HAT1: variants seen among roughly 807,000 people sequenced by gnomAD.
HAT1 encodes the protein histone acetyltransferase type B catalytic subunit.
A neutral mutation model predicts 56.6 loss-of-function variants in HAT1; 20 were observed. That is an observed-to-expected ratio of 0.35 (90% CI 0.25 to 0.51). The LOEUF (loss-of-function observed/expected upper bound fraction) is 0.51, where lower values mean the gene tolerates loss of function less well. Ranked by LOEUF, HAT1 falls within the 20% of genes least tolerant of loss-of-function variation. The probability of loss-of-function intolerance (pLI) is 0.95; values close to 1 mark genes in which losing one functional copy is unlikely to be tolerated. For synonymous variants in HAT1, 146 were observed against 165.5 expected (o/e 0.88, Z 0.91); for missense variants, 408 against 504.3 (o/e 0.81, Z 1.83).
chr2:171,939,449 C>G (rs1025503738), intron 2 of HAT1, among the ~76,000 whole-genome samples: 42 of 152,136 alleles, frequency 2.8e-4, no homozygotes, highest in Admixed American at 3.3e-4. Flanking sequence ...CAAAAATAAG[C>G]AAGTTTTGTG....
rs1172067451 is a variant in HAT1, at chr2:171,977,557, ATTTTT to A, written c.975+1267_975+1271del. 7.3e-3 allele frequency among the ~76,000 whole-genome samples: 119 copies of A among 16,256 alleles called. 1 individual carries two copies. Among genetic ancestry groups the A allele is most frequent in the Admixed American group, 0.016 (15 of 928 alleles). The allele number at this position is 16,256 out of a possible 152,430, so 10.7% of individuals were successfully genotyped here. A position where few individuals can be genotyped will look rare whatever the true frequency, so the allele number is the denominator to read the frequency against. On this transcript the variant is annotated intron_variant, in intron 9 of 10. Coordinates refer to ENST00000264108, the MANE Select transcript of HAT1 (RefSeq NM_003642.4). ...TATATATATATATATATATATATAT[ATTTTT>A]TTTTTTTTTTTTTTTTTAATGGTGC...
chr2:171,936,475 T>C (rs1158908358), intron 2 of HAT1, among the ~76,000 whole-genome samples: 2 of 152,142 alleles, frequency 1.3e-5, no homozygotes, highest in African/African-American at 4.8e-5. Flanking sequence ...CCTCTAAGTT[T>C]CACAGTGGTC....
At chr2:171,924,063 T>A (rs1558959286) in intron 1 of HAT1, 1 of 152,192 alleles carries the variant, frequency 6.6e-6, no homozygotes, top group Admixed American at 6.5e-5. Flanking sequence ...AATCCAGGAA[T>A]TCTCACTCCA....
chr2:171,972,244 GTTTT>G (rs572188174), intron 8 of HAT1, among the ~76,000 whole-genome samples: 1 of 137,578 alleles, frequency 7.3e-6, no homozygotes, highest in Non-Finnish European at 1.6e-5. Flanking sequence ...TGTTTTTGTT[GTTTT>G]TTTTTTTGTT....
At chr2:171,978,870 G>A (rs1688055826) in intron 9 of HAT1, among the ~76,000 whole-genome samples, 1 of 148,896 alleles carries the variant, frequency 6.7e-6, no homozygotes, top group South Asian at 2.1e-4. Flanking sequence ...AGGATTGCTT[G>A]AAGCTGGGAG....
intron 2 of HAT1, among the ~76,000 whole-genome samples, chr2:171,939,933 A>G (rs2105312825): frequency 6.6e-6 from 1 of 151,988 alleles, no homozygotes; most frequent in Middle Eastern, 3.4e-3. Flanking sequence ...CACCACACCC[A>G]GCTAATTTTT....
At chr2:171,925,784 G>T (rs1686574364) in intron 2 of HAT1, 143 bp downstream of exon 2, 1 of 527,242 alleles carries the variant, frequency 1.9e-6, no homozygotes, top group East Asian at 3.1e-5. Context: ...AACATATTCA[G>T]ATTTTATTCA....
At chr2:171,923,778 T>A (rs1686505296) in intron 1 of HAT1, 1 of 152,208 alleles carries the variant, frequency 6.6e-6, no homozygotes, top group Non-Finnish European at 1.5e-5. Flanking sequence ...TACATCTAAA[T>A]TCGAATTTTG....
intron 8 of HAT1, among the ~76,000 whole-genome samples, chr2:171,974,196 A>AG (rs1558979666): frequency 4.9e-5 from 4 of 81,254 alleles, no homozygotes; most frequent in Non-Finnish European, 1.2e-4. Flanking sequence ...AAAAAAAGAA[A>AG]AAAAGAAAAA....
chr2:171,971,197 CACAA>C (rs1044996542), intron 8 of HAT1, among the ~76,000 whole-genome samples: 1 of 152,120 alleles, frequency 6.6e-6, no homozygotes, highest in African/African-American at 2.4e-5. Flanking sequence ...GACTCCGTCT[CACAA>C]ACAAACAAAC....
intron 2 of HAT1, among the ~76,000 whole-genome samples, chr2:171,934,398 G>C (rs1686814999): frequency 6.6e-6 from 1 of 152,156 alleles, no homozygotes; most frequent in Admixed American, 6.5e-5. Flanking sequence ...TAGGAGCATG[G>C]AGAATTTCTA....
rs1252747153 is a variant in HAT1, at chr2:171,965,819, T to C, written c.522T>C (p.Tyr174=). 2 of 1,613,348 alleles carry C rather than the reference T, an allele frequency of 1.2e-6. No individual in the cohort carries two copies. The highest frequency in any genetic ancestry group is 1.7e-6 in the Non-Finnish European group (2 of 1,179,376). The change falls in exon 6 of 11, where the codon TAT becomes TAC. Residue 174 remains tyrosine, a synonymous_variant. Transcript: ENST00000264108. The part of the protein sequence containing the change: ...ADMTCRGFRE[Y]HERLQTFLMW... Reference sequence around the variant, plus strand: ...TGACATGTAGAGGCTTTCGAGAATATCATGAAAGGCTTCAGACCTTTTTGA... The same window carrying C: ...TGACATGTAGAGGCTTTCGAGAATACCATGAAAGGCTTCAGACCTTTTTGA...
rs188676175 is a variant in HAT1, at chr2:171,970,750, C to T, written c.823+3801C>T. ...GGCCAGGCTGGTCTCGAACTCCTAA[C>T]CTTGTGACCCTCCGGCCTCGGCCTC... On this transcript the variant is annotated intron_variant, in intron 8 of 10. Coordinates refer to ENST00000264108, the MANE Select transcript of HAT1 (RefSeq NM_003642.4). 3.6e-4 allele frequency among the ~76,000 whole-genome samples: 54 copies of T among 150,668 alleles called. 3 individuals carry two copies. Among genetic ancestry groups the T allele is most frequent in the African/African-American group, 1.3e-3 (54 of 41,272 alleles).
intron 10 of HAT1, 61 bp from the exon 11 acceptor site, chr2:171,983,124 G>A (rs1688173650): frequency 6.1e-6 from 6 of 981,314 alleles, no homozygotes; most frequent in Non-Finnish European, 8.9e-6. Flanking sequence ...ACTTAAAATT[G>A]TAAGACTATA....
At chr2:171,968,672 T>C (rs1339424073) in intron 8 of HAT1, among the ~76,000 whole-genome samples, 2 of 152,186 alleles carry the variant, frequency 1.3e-5, no homozygotes, top group African/African-American at 4.8e-5. Flanking sequence ...AGCATTAACA[T>C]TTCTCAGCAT....
At chr2:171,938,302 C>T (rs1296351271) in intron 2 of HAT1, among the ~76,000 whole-genome samples, 4 of 152,084 alleles carry the variant, frequency 2.6e-5, no homozygotes, top group African/African-American at 9.7e-5. Context: ...TTCTATATAG[C>T]AGCAGTCCCC....
At chr2:171,939,756 A>C (rs894875486) in intron 2 of HAT1, among the ~76,000 whole-genome samples, 2 of 151,666 alleles carry the variant, frequency 1.3e-5, no homozygotes, top group South Asian at 4.2e-4. Context: ...AATGGATGAA[A>C]TAGTGCGTAG....
rs192532433 is a variant in HAT1 at position 171,943,130 on chromosome 2, C to T, written c.113-3578C>T. Among the ~76,000 whole-genome samples the T allele has an allele frequency of 6.4e-4, 96 of 150,454 alleles. 1 individual carries two copies. Among genetic ancestry groups the T allele is most frequent in the Admixed American group, 4.8e-3 (73 of 15,084 alleles). ...CAAAAAATACAGTGCTGGCTGGGCA[C>T]GGTGGCTTTGCCTGTAATCCCAACA... On this transcript the variant is annotated intron_variant, in intron 2 of 10. Transcript: ENST00000264108.
At chr2:171,927,294 G>T (rs1686621600) in intron 2 of HAT1, among the ~76,000 whole-genome samples, 1 of 152,190 alleles carries the variant, frequency 6.6e-6, no homozygotes, top group African/African-American at 2.4e-5. Context: ...CCATGCCTGA[G>T]TTTCCTCATT....
Sources: allele counts gnomAD v4.1 joint callset (sites outside exome capture counted in the v4.1 genomes callset), GRCh38; gene constraint gnomAD v4.1.1; transcripts MANE v1.5; gene names NCBI Gene and HGNC (gene_info 2026-07-23, HGNC 2026-07-21).